Variants in PFAS observed in about 807,000 individuals in gnomAD.
PFAS encodes phosphoribosylformylglycinamidine synthase.
In PFAS, 97 loss-of-function variants were observed where a neutral mutation model predicts 140.6. The ratio of observed to expected loss-of-function variants is 0.69; its 90% confidence interval spans 0.59 to 0.82. The LOEUF (loss-of-function observed/expected upper bound fraction) is 0.82. PFAS is among the 40% of genes least tolerant of loss of function. The pLI, the probability that PFAS is intolerant of heterozygous loss-of-function variation, is 0.00. For synonymous variants in PFAS, 679 were observed against 718.8 expected (o/e 0.94, Z 0.88); for missense variants, 1,656 against 1,780.2 (o/e 0.93, Z 1.26).
At chr17:8,256,775 G>A in intron 8 of PFAS, 60 bp from the exon 9 acceptor site, 1 of 1,554,940 alleles carries the variant, frequency 6.4e-7, no homozygotes, top group Non-Finnish European at 8.7e-7. Context: ...CAGTGGGGGT[G>A]GTCAGAGATG....
chr17:8,265,693 C>G lies in PFAS; in HGVS notation c.2545+54C>G, dbSNP rs904033616. ...CTTTGCTTGTGTGATCTTTGTTTGG[C>G]TCCTGCTTTGTGAGTGCTGGGCCCC... On this transcript the variant is annotated intron_variant, in intron 20 of 27. Transcript: ENST00000314666. The G allele has an allele frequency of 2.6e-6, 4 of 1,519,492 alleles. No homozygotes were observed. The Admixed American group carries it at 5.0e-5, about 19-fold the overall frequency. 94.1% of individuals were successfully genotyped at this position (1,519,492 alleles called of 1,614,324 possible). A position where few individuals can be genotyped will look rare whatever the true frequency, so the allele number is the denominator to read the frequency against.
At position 8,255,709 on chromosome 17, in the gene PFAS, G is replaced by T. The variant is rs1240817860; in HGVS notation, c.574+18G>T. On this transcript the variant is annotated intron_variant, in intron 5 of 27. Transcript: ENST00000314666. ...GGAGCTTGGTGAGTAGCTGGGGAGG[G>T]AGATGTAGGGTCCAGGATAGGCCAG... 1 of 1,592,862 alleles carries T rather than the reference G, an allele frequency of 6.3e-7. No individual in the cohort carries two copies. The highest frequency in any genetic ancestry group is 1.1e-5 in the South Asian group (1 of 88,028).
At chr17:8,260,113 A>AAT (rs1567639898) in intron 11 of PFAS, among the ~76,000 whole-genome samples, 1 of 151,256 alleles carries the variant, frequency 6.6e-6, no homozygotes, top group African/African-American at 2.4e-5. Context: ...AAAAAAAAAA[A>AAT]TTTTTTTTTA....
In PFAS at chr17:8,255,079, A is replaced by G; in HGVS notation, c.331A>G (p.Thr111Ala). Residue 111 changes from threonine to alanine, a missense_variant, in exon 4 of 28, where the codon ACT (threonine) becomes GCT (alanine). This residue lies in a region of PFAS where 773 missense variants were observed against 757.3 expected (regional missense o/e 1.02). Coordinates refer to ENST00000314666, the MANE Select transcript of PFAS (RefSeq NM_012393.3). ...STNIVSVCRA[T>A]GLGPVDRVET... ...CAACATCGTGTCAGTGTGCCGCGCC[A>G]CTGGGCTGGGGCCTGTGGATCGTGT... The G allele has an allele frequency of 6.2e-7, 1 of 1,613,816 alleles. No individual in the cohort carries two copies. The highest frequency in any genetic ancestry group is 8.5e-7 in the Non-Finnish European group (1 of 1,179,980).
chr17:8,260,866 C>T (rs1446771791), intron 11 of PFAS, among the ~76,000 whole-genome samples: 5 of 152,172 alleles, frequency 3.3e-5, no homozygotes, highest in African/African-American at 4.8e-5. Context: ...TCTCGTGATC[C>T]GCCTGCCTCA....
At chr17:8,261,627 T>C (rs1567640914) in intron 11 of PFAS, among the ~76,000 whole-genome samples, 1 of 151,408 alleles carries the variant, frequency 6.6e-6, no homozygotes, top group Non-Finnish European at 1.5e-5. Context: ...TTTTTCTTTT[T>C]TGAGATGGGA....
intron 11 of PFAS, among the ~76,000 whole-genome samples, chr17:8,260,892 G>C (rs1567640409): frequency 6.6e-6 from 1 of 151,994 alleles, no homozygotes; most frequent in Non-Finnish European, 1.5e-5. Flanking sequence ...CCAAAGTGCT[G>C]GGATTACAGG....
upstream of PFAS, chr17:8,247,991 T>C (rs1443944689): frequency 5.6e-6 from 9 of 1,600,504 alleles, no homozygotes; most frequent in East Asian, 2.3e-5. Flanking sequence ...AGAGACGTAA[T>C]AGCAGCACTC....
upstream of PFAS, chr17:8,249,265 C>T (rs899392828): frequency 6.6e-6 from 1 of 152,174 alleles, no homozygotes; most frequent in Non-Finnish European, 1.5e-5. Flanking sequence ...AGTCTCTGCC[C>T]GCGGCGCACG....
At chr17:8,262,752 C>T (rs1989642073) in intron 11 of PFAS, among the ~76,000 whole-genome samples, 168 bp from the exon 12 acceptor site, 2 of 151,934 alleles carry the variant, frequency 1.3e-5, no homozygotes, top group African/African-American at 4.8e-5. Context: ...GCTGAGATCA[C>T]ACCACTGTAC....
rs746893640 is a variant in PFAS at position 8,267,700 on chromosome 17, C to G, written c.3382+35C>G. On this transcript the variant is annotated intron_variant, in intron 26 of 27. Coordinates refer to ENST00000314666, the MANE Select transcript of PFAS (RefSeq NM_012393.3). This position sits in a 1 kb window ranked among gnomAD's most constrained non-coding sequence, Gnocchi z 4.9. ...CAGGCTTCTGCCCACTCCCTTCCCC[C>G]ACATTCCTGAAGAGGTGCCTTTAGC... 2.7e-5 allele frequency: 33 copies of G among 1,216,298 alleles called. 1 individual carries two copies. In the South Asian group the frequency reaches 4.1e-4, roughly 15 times the overall value. 75.3% of individuals were successfully genotyped at this position (1,216,298 alleles called of 1,614,324 possible). A position where few individuals can be genotyped will look rare whatever the true frequency, so the allele number is the denominator to read the frequency against.
Position 8,266,882 on chromosome 17 carries a change from C to A in PFAS, c.2951C>A (p.Ala984Asp). ...HCLELGHTGEAGPHAMVRVSV... is the reference protein window; with the variant it reads ...HCLELGHTGEDGPHAMVRVSV... ...CTGGAGCTGGGCCACACAGGCGAGG[C>A]CGGGCCCCACGCCATGGTGAGGAAG... The change falls in exon 23 of 28, where the codon GCC (alanine) becomes GAC (aspartate). Residue 984 changes from alanine to aspartate, a missense_variant. Coordinates refer to ENST00000314666, the MANE Select transcript of PFAS (RefSeq NM_012393.3). This position sits in a 1 kb window ranked among gnomAD's most constrained non-coding sequence, Gnocchi z 5.0. 6.2e-7 allele frequency: 1 copy of A among 1,604,042 alleles called. No homozygotes were observed. Among genetic ancestry groups the A allele is most frequent in the Non-Finnish European group, 8.5e-7 (1 of 1,177,932 alleles).
Position 8,263,830 on chromosome 17 carries a change from C to T in PFAS, c.1685C>T (p.Ser562Leu), listed in dbSNP as rs1414424770. Residue 562 changes from serine to leucine, a missense_variant, in exon 15 of 28, where the codon TCA becomes TTA. By Grantham distance (145) the Ser-to-Leu change is moderately radical. Around this residue, in one of 2 missense-constraint regions of PFAS, gnomAD observed 773 missense variants for 757.3 expected, o/e 1.02. Transcript: ENST00000314666. ...ATCTGGGGGGCTGAGTACCAGGAAT[C>T]AAATGCTCTTCTGCTGAGGTCCCCC... The part of the protein sequence containing the change: ...LEIWGAEYQE[S>L]NALLLRSPNR... The T allele has an allele frequency of 1.9e-6, 3 of 1,614,190 alleles. No individual in the cohort carries two copies. Among genetic ancestry groups the T allele is most frequent in the Non-Finnish European group, 2.5e-6 (3 of 1,180,030 alleles).
In PFAS at chr17:8,267,590, A is replaced by G. The variant is rs190580326; in HGVS notation, c.3307A>G (p.Ile1103Val). Residue 1103 changes from isoleucine (I) to valine (V), a missense_variant, in exon 26 of 28, where the codon ATT becomes GTT. Physicochemically the swap from Ile to Val is conservative, Grantham distance 29. Around this residue, in one of 2 missense-constraint regions of PFAS, gnomAD observed 883 missense variants for 1,023.0 expected, o/e 0.86. Transcript: ENST00000314666. This position sits in a 1 kb window ranked among gnomAD's most constrained non-coding sequence, Gnocchi z 4.9. ...VTMQDLCSGA[I>V]GLDTFRGVAF... ...CATGCAGGACCTCTGCTCTGGGGCA[A>G]TTGGGCTGGACACTTTCCGTGGCGT... 54 of 1,613,408 alleles carry G rather than the reference A, an allele frequency of 3.3e-5. No homozygotes were observed. Among genetic ancestry groups the G allele is most frequent in the Middle Eastern group, 1.6e-4 (1 of 6,080 alleles).
At chr17:8,248,997 A>G (rs951399110), upstream of PFAS, among the ~76,000 whole-genome samples, 2 of 152,184 alleles carry the variant, frequency 1.3e-5, no homozygotes, top group African/African-American at 4.8e-5. Flanking sequence ...GATCTTGCCA[A>G]GCAGAGAAGG....
chr17:8,252,123 G>A (rs1417409965), intron 1 of PFAS, among the ~76,000 whole-genome samples: 3 of 151,414 alleles, frequency 2.0e-5, no homozygotes, highest in African/African-American at 4.8e-5. Context: ...GGGAAACCCC[G>A]TCTCTACTAA....
Position 8,253,956 on chromosome 17 carries a change from T to A in PFAS, c.19T>A (p.Phe7Ile), listed in dbSNP as rs893279600. 6.2e-7 allele frequency: 1 copy of A among 1,613,888 alleles called. No homozygotes were observed. The highest frequency in any genetic ancestry group is 2.2e-5 in the East Asian group (1 of 44,890). The part of the protein sequence containing the change: MSPVLH[F>I]YVRPSGHEGA... The stretch of plus-strand genomic sequence containing the variant: ...TGCAGAGATGTCCCCAGTCCTTCAC[T>A]TCTATGTTCGTCCCTCTGGCCATGA... The change falls in exon 2 of 28, where the codon TTC becomes ATC. Residue 7 changes from phenylalanine (F) to isoleucine (I), a missense_variant. Coordinates refer to ENST00000314666, the MANE Select transcript of PFAS (RefSeq NM_012393.3).
At chr17:8,262,831 T>A in intron 11 of PFAS, 89 bp from the exon 12 acceptor site, 1 of 979,222 alleles carries the variant, frequency 1.0e-6, no homozygotes, top group Non-Finnish European at 1.6e-6. Context: ...CTCCCTAACA[T>A]CAGCTTCCTC....
chr17:8,248,015 C>A, upstream of PFAS: 1 of 1,531,072 alleles, frequency 6.5e-7, no homozygotes, highest in Non-Finnish European at 8.9e-7. Flanking sequence ...GAGGAAGGGA[C>A]CTGGGCCCGG....
Sources: gnomAD v4.1 joint callset for allele counts (sites outside exome capture counted in the v4.1 genomes callset) on GRCh38, gnomAD v4.1.1 for gene constraint, gnomAD v4.1.1 regional missense constraint, Gnocchi (gnomAD v3.1) non-coding constraint, MANE v1.5 for transcripts, NCBI Gene and HGNC (gene_info 2026-07-23, HGNC 2026-07-21) for gene names.